The following KCNJ3 variants were observed in gnomAD, a reference collection of about 807,000 sequenced individuals.
KCNJ3 encodes the protein G protein-activated inward rectifier potassium channel 1.
KCNJ3 carries 4 observed loss-of-function variants against 39.2 expected under a neutral mutation model. The observed-to-expected ratio is 0.10, with a 90% CI of 0.05 to 0.23. The LOEUF is 0.23. KCNJ3 is among the 10% of genes least tolerant of loss of function. KCNJ3 has a pLI of 1.00. For synonymous variants in KCNJ3, 230 were observed against 237.4 expected (o/e 0.97, Z 0.29); for missense variants, 276 against 634.9 (o/e 0.43, Z 6.08).
chr2:154,823,512 A>G (rs1392284628), intron 2 of KCNJ3, among the ~76,000 whole-genome samples: 1 of 151,998 alleles, frequency 6.6e-6, no homozygotes, highest in African/African-American at 2.4e-5. Flanking sequence ...TAGAGCATCT[A>G]CCATGTGGTA....
At chr2:154,798,064 T>G (rs1183949695) in intron 2 of KCNJ3, among the ~76,000 whole-genome samples, 1 of 151,918 alleles carries the variant, frequency 6.6e-6, no homozygotes, top group Non-Finnish European at 1.5e-5. Flanking sequence ...GAAACAATGT[T>G]ACATGTTTAC....
intron 2 of KCNJ3, among the ~76,000 whole-genome samples, chr2:154,830,052 A>T (rs1687337792): frequency 6.6e-6 from 1 of 152,150 alleles, no homozygotes; most frequent in Admixed American, 6.6e-5. Context: ...ATATAAGTAA[A>T]CCTGTACAGA....
intron 2 of KCNJ3, among the ~76,000 whole-genome samples, chr2:154,831,529 G>T (rs774416136): frequency 6.6e-6 from 1 of 152,142 alleles, no homozygotes; most frequent in Non-Finnish European, 1.5e-5. Context: ...CTGTAGCATG[G>T]GGTGGGGGAG....
At chr2:154,811,414 G>A (rs974912557) in intron 2 of KCNJ3, among the ~76,000 whole-genome samples, 1 of 152,124 alleles carries the variant, frequency 6.6e-6, no homozygotes, top group Non-Finnish European at 1.5e-5. Context: ...CGCCTCCCAA[G>A]TAGCTGGGAC....
chr2:154,753,360 A>G (rs1169862358), intron 2 of KCNJ3, among the ~76,000 whole-genome samples: 1 of 152,046 alleles, frequency 6.6e-6, no homozygotes, highest in Non-Finnish European at 1.5e-5. Flanking sequence ...GTTGATACTA[A>G]CGTTAGGAAA....
chr2:154,773,048 C>T (rs889702357), intron 2 of KCNJ3, among the ~76,000 whole-genome samples: 3 of 151,076 alleles, frequency 2.0e-5, no homozygotes, highest in African/African-American at 2.4e-5. Context: ...CAAATTGCCC[C>T]GAATAGATTA....
At chr2:154,705,086 T>A (rs1684979411) in intron 1 of KCNJ3, among the ~76,000 whole-genome samples, 1 of 152,134 alleles carries the variant, frequency 6.6e-6, no homozygotes, top group Non-Finnish European at 1.5e-5. Context: ...TAGAGGTAAA[T>A]CTATAGTGTA....
intron 2 of KCNJ3, 131 bp downstream of exon 2, chr2:154,709,950 A>G (rs1685074173): frequency 1.8e-6 from 2 of 1,091,012 alleles, no homozygotes; most frequent in East Asian, 5.2e-5. Context: ...TTTGCCTTTC[A>G]TTTCTTTGTA....
chr2:154,713,981 A>T (rs148758661), intron 2 of KCNJ3, among the ~76,000 whole-genome samples: 269 of 152,306 alleles, frequency 1.8e-3, no homozygotes, highest in Non-Finnish European at 2.1e-3. Context: ...CTCTCCACCT[A>T]GTCTATTAAA....
intron 2 of KCNJ3, among the ~76,000 whole-genome samples, chr2:154,853,294 A>C (rs1687786522): frequency 6.6e-6 from 1 of 152,106 alleles, no homozygotes; most frequent in South Asian, 2.1e-4. Flanking sequence ...GTAATATATA[A>C]CAGAATATTC....
chr2:154,819,575 G>T (rs1207535575), intron 2 of KCNJ3, among the ~76,000 whole-genome samples: 1 of 151,886 alleles, frequency 6.6e-6, no homozygotes, highest in East Asian at 1.9e-4. Flanking sequence ...TTTGTCACCA[G>T]GCTGGAGTGC....
At chr2:154,827,419 A>G (rs1241163494) in intron 2 of KCNJ3, among the ~76,000 whole-genome samples, 1 of 152,160 alleles carries the variant, frequency 6.6e-6, no homozygotes, top group African/African-American at 2.4e-5. Context: ...CTCTAAACCC[A>G]GAAATTTCCC....
intron 2 of KCNJ3, among the ~76,000 whole-genome samples, chr2:154,851,520 G>C (rs1687755476): frequency 6.6e-6 from 1 of 152,198 alleles, no homozygotes. Flanking sequence ...GTTATCTCTA[G>C]TTGATAAAGG....
At chr2:154,800,440 G>A (rs2591152) in intron 2 of KCNJ3, among the ~76,000 whole-genome samples, 3 of 151,844 alleles carry the variant, frequency 2.0e-5, no homozygotes, top group African/African-American at 4.8e-5. Context: ...TGTAGAGATC[G>A]GCACTCCATT....
At chr2:154,713,384 C>A (rs1243324631) in intron 2 of KCNJ3, among the ~76,000 whole-genome samples, 2 of 152,078 alleles carry the variant, frequency 1.3e-5, no homozygotes, top group East Asian at 3.9e-4. Context: ...ACCCTAGCAC[C>A]CCTACCCAAT....
chr2:154,702,128 C>G (rs911612110), intron 1 of KCNJ3, among the ~76,000 whole-genome samples: 1 of 151,890 alleles, frequency 6.6e-6, no homozygotes, highest in Non-Finnish European at 1.5e-5. Flanking sequence ...AATAATATGT[C>G]CCTATCAGTT....
At chr2:154,708,620 A>C (rs1685053697) in intron 1 of KCNJ3, among the ~76,000 whole-genome samples, 5 of 152,190 alleles carry the variant, frequency 3.3e-5, no homozygotes, top group Admixed American at 3.3e-4. Context: ...TAATTACATA[A>C]ATTAAATGTA....
chr2:154,804,950 ACAC>A (rs1008696456), intron 2 of KCNJ3, among the ~76,000 whole-genome samples: 1 of 152,112 alleles, frequency 6.6e-6, no homozygotes, highest in African/African-American at 2.4e-5. Context: ...ATTATAGAGA[ACAC>A]CACATTACAA....
rs58366846 is a variant in KCNJ3 at position 154,726,796 on chromosome 2, TACACACACACAC to T, written c.919+17005_919+17016del. Reference sequence around the variant, plus strand: ...CACACACACATACATTTTATATACATACACACACACACACACACACACACACACACACACACA... The same window carrying T: ...CACACACACATACATTTTATATACATACACACACACACACACACACACACA... On this transcript the variant is annotated intron_variant, in intron 2 of 2. Coordinates refer to ENST00000295101, the MANE Select transcript of KCNJ3 (RefSeq NM_002239.4). Among the ~76,000 whole-genome samples the T allele has an allele frequency of 3.7e-3, 422 of 115,456 alleles. 3 individuals are homozygous for T. The highest frequency in any genetic ancestry group is 5.7e-3 in the Non-Finnish European group (299 of 52,434). 75.7% of individuals were successfully genotyped at this position (115,456 alleles called of 152,430 possible). A position where few individuals can be genotyped will look rare whatever the true frequency, so the allele number is the denominator to read the frequency against.
Sources: gnomAD v4.1 joint callset for allele counts (sites outside exome capture counted in the v4.1 genomes callset) on GRCh38, gnomAD v4.1.1 for gene constraint, MANE v1.5 for transcripts, NCBI Gene and HGNC (gene_info 2026-07-23, HGNC 2026-07-21) for gene names.